HHIP: variants seen among roughly 807,000 people sequenced by gnomAD.
The protein encoded by HHIP is hedgehog-interacting protein.
Under a neutral mutation model 74.0 loss-of-function variants are expected in HHIP, and 12 were observed. The ratio of observed to expected loss-of-function variants is 0.16; its 90% CI spans 0.10 to 0.26. HHIP has a LOEUF of 0.26. Among genes scored for constraint, HHIP ranks in the 10% least tolerant of loss-of-function variants. The pLI, the probability that HHIP is intolerant of heterozygous loss-of-function variation, is 1.00. For synonymous variants in HHIP, 309 were observed against 311.6 expected (o/e 0.99, Z 0.09); for missense variants, 788 against 845.0 (o/e 0.93, Z 0.84).
intron 4 of HHIP, among the ~76,000 whole-genome samples, chr4:144,700,715 C>G (rs1729953783): frequency 1.3e-5 from 2 of 152,314 alleles, no homozygotes; most frequent in South Asian, 4.1e-4. Context: ...AATGGATTAT[C>G]TTCTAGCACC....
At position 144,646,967 on chromosome 4, in the gene HHIP, C is replaced by T; in HGVS notation, c.279+13C>T. 3.2e-6 allele frequency: 5 copies of T among 1,581,832 alleles called. No individual in the cohort carries two copies. The highest frequency in any genetic ancestry group is 4.3e-6 in the Non-Finnish European group (5 of 1,162,746). On this transcript the variant is annotated intron_variant, in intron 1 of 12. Transcript: ENST00000296575. ...CCTGGAGAATAAGGTAGGCACTCAC[C>T]GGCTTCACGGATGCGTACTTGGCAT...
chr4:144,675,174 T>C (rs1729138721), intron 4 of HHIP, among the ~76,000 whole-genome samples: 2 of 152,224 alleles, frequency 1.3e-5, no homozygotes, highest in African/African-American at 4.8e-5. Flanking sequence ...AATGGATTCA[T>C]AGTTAAATTA....
intron 1 of HHIP, chr4:144,648,842 T>C (rs1484261775): frequency 6.6e-6 from 1 of 152,160 alleles, no homozygotes; most frequent in African/African-American, 2.4e-5. Flanking sequence ...AAGAAATCAT[T>C]CTTTAGGAAG....
At chr4:144,654,524 C>T (rs1728509845) in intron 2 of HHIP, among the ~76,000 whole-genome samples, 3 of 152,130 alleles carry the variant, frequency 2.0e-5, no homozygotes, top group African/African-American at 7.2e-5. Context: ...TGCTAATGAT[C>T]ATTCTCAATA....
At chr4:144,692,393 T>C (rs937109536) in intron 4 of HHIP, among the ~76,000 whole-genome samples, 1 of 152,156 alleles carries the variant, frequency 6.6e-6, no homozygotes, top group Non-Finnish European at 1.5e-5. Flanking sequence ...TGTACTCTTC[T>C]CTTCCATTTC....
chr4:144,722,334 T>C (rs6843518), intron 11 of HHIP, among the ~76,000 whole-genome samples: 91,962 of 151,878 alleles, frequency 0.61, 27,952 homozygotes, highest in South Asian at 0.76. Context: ...CCATACTGTG[T>C]CCCTTTGTCC....
At chr4:144,692,440 G>T (rs1394399600) in intron 4 of HHIP, among the ~76,000 whole-genome samples, 2 of 152,134 alleles carry the variant, frequency 1.3e-5, no homozygotes, top group Non-Finnish European at 2.9e-5. Context: ...TACAGATAAA[G>T]TATCTCTCTG....
At chr4:144,722,836 A>G (rs187533840) in intron 11 of HHIP, among the ~76,000 whole-genome samples, 36 of 152,234 alleles carry the variant, frequency 2.4e-4, no homozygotes, top group Admixed American at 2.2e-3. Flanking sequence ...AGCCTGGGCA[A>G]CAGGGTGAGA....
At chr4:144,691,222 C>A (rs1444766580) in intron 4 of HHIP, among the ~76,000 whole-genome samples, 1 of 152,060 alleles carries the variant, frequency 6.6e-6, no homozygotes, top group Admixed American at 6.6e-5. Flanking sequence ...ATATAGACCA[C>A]CAGATATCTG....
At chr4:144,685,157 A>C (rs77352954) in intron 4 of HHIP, among the ~76,000 whole-genome samples, 4,255 of 152,298 alleles carry the variant, frequency 0.028, 70 homozygotes, top group Middle Eastern at 0.041. Flanking sequence ...AGTGTTTGCT[A>C]TTCAAAACTG....
chr4:144,704,576 T>G (rs2126650689), intron 4 of HHIP, among the ~76,000 whole-genome samples: 1 of 152,346 alleles, frequency 6.6e-6, no homozygotes. Flanking sequence ...ACCAGCACAG[T>G]TCTGAAGCAT....
At chr4:144,688,780 G>A (rs1407373304) in intron 4 of HHIP, among the ~76,000 whole-genome samples, 1 of 143,444 alleles carries the variant, frequency 7.0e-6, no homozygotes, top group East Asian at 1.9e-4. Context: ...ATGCAAGAAC[G>A]GAAGGGATGA....
intron 4 of HHIP, among the ~76,000 whole-genome samples, chr4:144,666,698 G>A (rs1728873695): frequency 6.6e-6 from 1 of 152,186 alleles, no homozygotes; most frequent in Non-Finnish European, 1.5e-5. Flanking sequence ...AGCATGTTAA[G>A]AAAACAAGAC....
At position 144,692,217 on chromosome 4, in the gene HHIP, G is replaced by T. The variant is rs184514048; in HGVS notation, c.832-14314G>T. On this transcript the variant is annotated intron_variant, in intron 4 of 12. Transcript: ENST00000296575. ...ATAAAAAAAAAGCTGAAGCTCAGGG[G>T]TGTTAAATTATTTCCCCCAAGTCAA... is the stretch of plus-strand genomic sequence containing the variant. 1.7e-4 allele frequency among the ~76,000 whole-genome samples: 26 copies of T among 152,174 alleles called. No individual in the cohort carries two copies. The East Asian group carries it at 4.4e-3, about 26-fold the overall frequency.
chr4:144,670,455 C>CAA (rs70956805), intron 4 of HHIP, among the ~76,000 whole-genome samples: 46,858 of 116,224 alleles, frequency 0.4, 8,862 homozygotes, highest in South Asian at 0.51. Context: ...AAGAGACTGT[C>CAA]AAAAAAAAAA....
chr4:144,655,967 A>C (rs1026504802), intron 2 of HHIP, among the ~76,000 whole-genome samples: 13 of 152,136 alleles, frequency 8.5e-5, no homozygotes, highest in African/African-American at 3.1e-4. Flanking sequence ...AATGATCAGA[A>C]CTTAAAAAAA....
chr4:144,664,401 A>G (rs1251063681), intron 4 of HHIP, among the ~76,000 whole-genome samples: 3 of 152,222 alleles, frequency 2.0e-5, no homozygotes, highest in Non-Finnish European at 4.4e-5. Context: ...AAACATAATT[A>G]TGAGTATCAA....
intron 11 of HHIP, among the ~76,000 whole-genome samples, chr4:144,726,506 AC>A (rs1242864721): frequency 6.6e-6 from 1 of 152,226 alleles, no homozygotes; most frequent in Non-Finnish European, 1.5e-5. Flanking sequence ...AAAATACTGT[AC>A]CATAACCCTG....
chr4:144,704,792 A>C (rs1180787851), intron 4 of HHIP, among the ~76,000 whole-genome samples: 1 of 152,212 alleles, frequency 6.6e-6, no homozygotes, highest in Non-Finnish European at 1.5e-5. Context: ...TCGTTAGACA[A>C]TCCGTCAAGG....
Sources: gnomAD v4.1 joint callset for allele counts (sites outside exome capture counted in the v4.1 genomes callset) on GRCh38, gnomAD v4.1.1 for gene constraint, MANE v1.5 for transcripts, NCBI Gene and HGNC (gene_info 2026-07-23, HGNC 2026-07-21) for gene names.